Variants in FASTKD1 observed in about 807,000 individuals in gnomAD.
FASTKD1 encodes FAST kinase domain-containing protein 1, mitochondrial.
A neutral mutation model predicts 90.9 loss-of-function variants in FASTKD1; 94 were observed. The observed-to-expected ratio is 1.03, with a 90% CI of 0.88 to 1.23. The LOEUF is 1.23. FASTKD1 is among the 50% of genes most tolerant of loss of function. FASTKD1 has a pLI of 0.00. For missense variants in FASTKD1, 945 were observed against 993.5 expected (o/e 0.95, Z 0.66); for synonymous variants, 319 against 345.8 (o/e 0.92, Z 0.86).
chr2:169,548,036 GA>G (rs532687446), intron 7 of FASTKD1, among the ~76,000 whole-genome samples: 1,565 of 120,838 alleles, frequency 0.013, 37 homozygotes, highest in African/African-American at 0.045. Context: ...GAAAAGAAAA[GA>G]AAAAAAAATC....
chr2:169,552,627 G>A (rs1685538657), intron 7 of FASTKD1, among the ~76,000 whole-genome samples: 1 of 152,070 alleles, frequency 6.6e-6, no homozygotes, highest in African/African-American at 2.4e-5. Flanking sequence ...ATTATACTAA[G>A]TGAAGTAACA....
chr2:169,542,391 C>G (rs902164113), intron 9 of FASTKD1, among the ~76,000 whole-genome samples: 2 of 152,122 alleles, frequency 1.3e-5, no homozygotes, highest in African/African-American at 4.8e-5. Flanking sequence ...TCATAAAGCT[C>G]TAATCCTTCA....
intron 9 of FASTKD1, among the ~76,000 whole-genome samples, chr2:169,543,836 CAAGAA>C (rs1175215765): frequency 6.6e-6 from 1 of 150,754 alleles, no homozygotes; most frequent in Non-Finnish European, 1.5e-5. Context: ...AAGTCAATGC[CAAGAA>C]AAGAAAAAAA....
intron 7 of FASTKD1, among the ~76,000 whole-genome samples, chr2:169,551,982 A>G (rs1054279577): frequency 6.6e-6 from 1 of 152,200 alleles, no homozygotes; most frequent in Non-Finnish European, 1.5e-5. Context: ...ATTCCAGTAC[A>G]TGAAAACTCT....
chr2:169,553,702 G>A (rs1293980089), intron 7 of FASTKD1, among the ~76,000 whole-genome samples: 2 of 151,844 alleles, frequency 1.3e-5, no homozygotes, highest in African/African-American at 2.4e-5. Context: ...CAGACCACGG[G>A]GTCAGAAGAT....
chr2:169,566,244 T>G (rs1683979492), intron 3 of FASTKD1, among the ~76,000 whole-genome samples: 1 of 152,146 alleles, frequency 6.6e-6, no homozygotes, highest in Non-Finnish European at 1.5e-5. Flanking sequence ...AAAAAGTCCT[T>G]AGAGAAACAT....
intron 7 of FASTKD1, among the ~76,000 whole-genome samples, chr2:169,550,352 C>T (rs368071395): frequency 9.3e-5 from 14 of 151,282 alleles, no homozygotes; most frequent in African/African-American, 2.7e-4. Context: ...AACAAACAAA[C>T]AAAATTGTAT....
chr2:169,533,616 T>C (rs1321340918), intron 12 of FASTKD1, among the ~76,000 whole-genome samples: 1 of 152,116 alleles, frequency 6.6e-6, no homozygotes, highest in African/African-American at 2.4e-5. Flanking sequence ...ATAAGCAATA[T>C]ATAAAAATAA....
chr2:169,571,469 C>G (rs1033235437), intron 2 of FASTKD1, among the ~76,000 whole-genome samples, 184 bp downstream of exon 2: 2 of 142,524 alleles, frequency 1.4e-5, no homozygotes, highest in African/African-American at 5.2e-5. Context: ...AAGGCTGAGG[C>G]AGGAGAATGG....
At chr2:169,559,015 C>A (rs1683460980) in intron 5 of FASTKD1, among the ~76,000 whole-genome samples, 1 of 149,602 alleles carries the variant, frequency 6.7e-6, no homozygotes, top group East Asian at 2.0e-4. Flanking sequence ...GCTCTTGTTG[C>A]CCAGGCTGGA....
chr2:169,529,291 T>A lies in FASTKD1; in HGVS notation c.*534A>T, dbSNP rs2105318494. ...TTAGGACAAAAACTTAGAATTATCCTTGACTCCTATTTGTCTCATACCTCA... is the reference window on the plus strand; with the variant it reads ...TTAGGACAAAAACTTAGAATTATCCATGACTCCTATTTGTCTCATACCTCA... On this transcript the variant is annotated 3_prime_UTR_variant, in exon 15 of 15. Coordinates refer to ENST00000453153, the MANE Select transcript of FASTKD1 (RefSeq NM_024622.6). 6.6e-6 allele frequency among the ~76,000 whole-genome samples: 1 copy of A among 152,242 alleles called. No homozygotes were observed. Among genetic ancestry groups the A allele is most frequent in the South Asian group, 2.1e-4 (1 of 4,804 alleles).
intron 7 of FASTKD1, among the ~76,000 whole-genome samples, chr2:169,547,405 G>C (rs1453966615): frequency 6.6e-6 from 1 of 152,124 alleles, no homozygotes; most frequent in African/African-American, 2.4e-5. Context: ...AGCGTCTTAA[G>C]ACCCACGATC....
Position 169,573,716 on chromosome 2 carries a change from G to A in FASTKD1, c.-190C>T. ...GCCGCAAATTTTCTGGAGGATCCTG[G>A]GGTTATGAAAGCTCAGAAGTCAGGG... On this transcript the variant is annotated 5_prime_UTR_variant, in exon 1 of 15. Coordinates refer to ENST00000453153, the MANE Select transcript of FASTKD1 (RefSeq NM_024622.6). The A allele has an allele frequency of 6.6e-6, 1 of 152,348 alleles. No individual in the cohort carries two copies. The highest frequency in any genetic ancestry group is 1.5e-5 in the Non-Finnish European group (1 of 68,072). 9.4% of individuals were successfully genotyped at this position (152,348 alleles called of 1,614,324 possible). A position where few individuals can be genotyped will look rare whatever the true frequency, so the allele number is the denominator to read the frequency against.
At chr2:169,541,240 C>A (rs1471049679) in intron 9 of FASTKD1, among the ~76,000 whole-genome samples, 1 of 152,160 alleles carries the variant, frequency 6.6e-6, no homozygotes, top group Non-Finnish European at 1.5e-5. Context: ...TTAAAACTTT[C>A]TCTGATTAAG....
intron 5 of FASTKD1, among the ~76,000 whole-genome samples, chr2:169,558,815 C>T (rs1683449814): frequency 6.6e-6 from 1 of 151,914 alleles, no homozygotes; most frequent in Admixed American, 6.6e-5. Flanking sequence ...TCTCAAACTC[C>T]CGACTTCAAG....
At chr2:169,537,160 A>G in intron 12 of FASTKD1, 67 bp downstream of exon 12, 1 of 970,342 alleles carries the variant, frequency 1.0e-6, no homozygotes, top group Admixed American at 2.1e-5. Flanking sequence ...ATTCCAACTG[A>G]TAAGATGATT....
chr2:169,559,859 T>C lies in FASTKD1; in HGVS notation c.971+528A>G, dbSNP rs570626969. Among the ~76,000 whole-genome samples the C allele has an allele frequency of 9.8e-5, 15 of 152,376 alleles. No homozygotes were observed. In the East Asian group the frequency reaches 2.9e-3, roughly 29 times the overall value. On this transcript the variant is annotated intron_variant, in intron 5 of 14. Coordinates refer to ENST00000453153, the MANE Select transcript of FASTKD1 (RefSeq NM_024622.6). ...AATTTAATATTTGCTCATCATTATA[T>C]TTCAAATATTACTACCTACATCAGT... is the stretch of plus-strand genomic sequence containing the variant.
intron 9 of FASTKD1, 81 bp from the exon 10 acceptor site, chr2:169,540,260 G>C: frequency 7.6e-7 from 1 of 1,314,970 alleles, no homozygotes; most frequent in Admixed American, 2.8e-5. Flanking sequence ...GCAAACCCAG[G>C]TTTTTAAAAA....
chr2:169,541,747 T>A (rs1467913145), intron 9 of FASTKD1, among the ~76,000 whole-genome samples: 2 of 152,192 alleles, frequency 1.3e-5, no homozygotes. Context: ...GCTCTCAGTA[T>A]CTGTTGCTTG....
Sources: gnomAD v4.1 joint callset for allele counts (sites outside exome capture counted in the v4.1 genomes callset) on GRCh38, gnomAD v4.1.1 for gene constraint, MANE v1.5 for transcripts, NCBI Gene and HGNC (gene_info 2026-07-23, HGNC 2026-07-21) for gene names.